ARID5B: variants seen among roughly 807,000 people sequenced by gnomAD.
The protein encoded by ARID5B is AT-rich interactive domain-containing protein 5B.
In ARID5B, 13 loss-of-function variants were observed where a neutral mutation model predicts 97.2. The ratio of observed to expected loss-of-function variants is 0.13; its 90% CI spans 0.09 to 0.21. ARID5B has a LOEUF of 0.21. ARID5B is among the 10% of genes least tolerant of loss of function. The probability of loss-of-function intolerance (pLI) is 1.00; values close to 1 mark genes in which losing one functional copy is unlikely to be tolerated. For missense variants in ARID5B, 1,210 were observed against 1,465.3 expected (o/e 0.83, Z 2.84); for synonymous variants, 556 against 570.3 (o/e 0.97, Z 0.36).
intron 2 of ARID5B, among the ~76,000 whole-genome samples, chr10:61,928,588 T>C (rs7909873): frequency 0.26 from 39,481 of 152,112 alleles, 5,620 homozygotes; most frequent in African/African-American, 0.35. Context: ...CCACCGTACC[T>C]GCCCCCCAAC....
At chr10:61,961,286 A>G (rs1838467357) in intron 3 of ARID5B, among the ~76,000 whole-genome samples, 1 of 152,372 alleles carries the variant, frequency 6.6e-6, no homozygotes, top group East Asian at 1.9e-4. Flanking sequence ...AGGTAAATAT[A>G]TAATCCTTAA....
At position 62,092,552 on chromosome 10, in the gene ARID5B, C is replaced by G; in HGVS notation, c.3089C>G (p.Ala1030Gly). ...GTGATTGCAGGGAAAAAGGCCCGGG[C>G]AGTGTCTCCCTTAGACCCATCCAAG... ...DLVIAGKKAR[A>G]VSPLDPSKEV... Residue 1030 changes from alanine to glycine, a missense_variant, in exon 10 of 10, where the codon GCA becomes GGA. By Grantham distance (60) the Ala-to-Gly change is moderately conservative (BLOSUM62 0). Around this residue, in one of 8 missense-constraint regions of ARID5B, gnomAD observed 800 missense variants for 839.1 expected, o/e 0.95. Coordinates refer to ENST00000279873, the MANE Select transcript of ARID5B (RefSeq NM_032199.3). 6.2e-7 allele frequency: 1 copy of G among 1,614,194 alleles called. No homozygotes were observed. The highest frequency in any genetic ancestry group is 8.5e-7 in the Non-Finnish European group (1 of 1,180,032).
Position 62,092,828 on chromosome 10 carries a change from A to G in ARID5B, c.3365A>G (p.His1122Arg). The part of the protein sequence containing the change: ...LSPLMQPLAF[H>R]SLVMQRGIFT... The stretch of plus-strand genomic sequence containing the variant: ...CCACTCATGCAGCCCCTGGCTTTCC[A>G]CTCGCTTGTGATGCAAAGAGGAATT... The change falls in exon 10 of 10, where the codon CAC (histidine) becomes CGC (arginine). Residue 1122 changes from histidine to arginine, a missense_variant. By Grantham distance (29) the His-to-Arg change is conservative. Coordinates refer to ENST00000279873, the MANE Select transcript of ARID5B (RefSeq NM_032199.3). The G allele has an allele frequency of 6.2e-7, 1 of 1,614,042 alleles. No homozygotes were observed. The highest frequency in any genetic ancestry group is 8.5e-7 in the Non-Finnish European group (1 of 1,179,998).
intron 3 of ARID5B, among the ~76,000 whole-genome samples, chr10:61,987,955 T>C (rs1838869332): frequency 6.6e-6 from 1 of 152,220 alleles, no homozygotes; most frequent in Admixed American, 6.5e-5. Flanking sequence ...GAAAAGGGGA[T>C]ATTTGCTGTG....
At chr10:62,080,274 A>G (rs1182430392) in intron 8 of ARID5B, among the ~76,000 whole-genome samples, 5 of 152,128 alleles carry the variant, frequency 3.3e-5, no homozygotes, top group African/African-American at 1.2e-4. Context: ...GCTCCACTCA[A>G]GTTCACACCA....
At chr10:62,049,596 G>A in intron 4 of ARID5B, 1 of 1,414,192 alleles carries the variant, frequency 7.1e-7, no homozygotes, top group East Asian at 2.5e-5. Context: ...GGGAATGAGA[G>A]GAGAGAGCGG....
At chr10:61,926,783 GT>G (rs1231006003) in intron 2 of ARID5B, among the ~76,000 whole-genome samples, 3 of 151,530 alleles carry the variant, frequency 2.0e-5, no homozygotes, top group Non-Finnish European at 4.4e-5. Context: ...TAGTTTTTGG[GT>G]TTTTTTGTAT....
At chr10:62,067,776 T>C (rs1840013149) in intron 7 of ARID5B, among the ~76,000 whole-genome samples, 2 of 152,386 alleles carry the variant, frequency 1.3e-5, no homozygotes, top group Non-Finnish European at 2.9e-5. Context: ...GCAGCCTCTC[T>C]GAATCTCCCT....
chr10:62,067,830 G>A lies in ARID5B; in HGVS notation c.1102-1870G>A, dbSNP rs539572134. 4.6e-5 allele frequency among the ~76,000 whole-genome samples: 7 copies of A among 152,344 alleles called. No individual in the cohort carries two copies. The East Asian group carries it at 1.3e-3, about 29-fold the overall frequency. ...TCCTATAACCTGCCTCACAGGCTAT[G>A]GGAGGATTATATGATGTCATGGATG... On this transcript the variant is annotated intron_variant, in intron 7 of 9. Coordinates refer to ENST00000279873, the MANE Select transcript of ARID5B (RefSeq NM_032199.3).
chr10:62,033,658 GTATTAA>G (rs1308886662), intron 4 of ARID5B, among the ~76,000 whole-genome samples: 3 of 152,166 alleles, frequency 2.0e-5, no homozygotes, highest in African/African-American at 7.2e-5. Context: ...TTGAAATGAT[GTATTAA>G]TATTACTTCC....
At chr10:62,048,763 G>A (rs1272261291) in intron 4 of ARID5B, among the ~76,000 whole-genome samples, 1 of 152,194 alleles carries the variant, frequency 6.6e-6, no homozygotes, top group Non-Finnish European at 1.5e-5. Context: ...CTGTCGAAAA[G>A]GCCTTTGGGA....
At chr10:61,935,004 C>A (rs1589225225) in intron 2 of ARID5B, among the ~76,000 whole-genome samples, 1 of 144,376 alleles carries the variant, frequency 6.9e-6, no homozygotes, top group African/African-American at 2.6e-5. Context: ...CAGAGCAAGA[C>A]TCTGATTAAA....
intron 2 of ARID5B, among the ~76,000 whole-genome samples, chr10:61,928,011 C>CG (rs1844137368): frequency 6.6e-6 from 1 of 152,026 alleles, no homozygotes; most frequent in African/African-American, 2.4e-5. Flanking sequence ...GTGCTGGGAG[C>CG]GGGAGGAAGG....
intron 3 of ARID5B, among the ~76,000 whole-genome samples, chr10:61,993,400 T>C (rs1280878240): frequency 6.6e-6 from 1 of 152,238 alleles, no homozygotes; most frequent in African/African-American, 2.4e-5. Context: ...TCTGCTGCAT[T>C]TTCCTTTTAC....
At chr10:61,982,669 C>T (rs750290503) in intron 3 of ARID5B, among the ~76,000 whole-genome samples, 5 of 152,196 alleles carry the variant, frequency 3.3e-5, no homozygotes, top group African/African-American at 4.8e-5. Context: ...GGAAGAATCT[C>T]TTCCACTAAC....
intron 2 of ARID5B, among the ~76,000 whole-genome samples, chr10:61,927,108 A>G (rs1196183833): frequency 6.6e-6 from 1 of 152,180 alleles, no homozygotes; most frequent in African/African-American, 2.4e-5. Context: ...AAGAGTTAGG[A>G]ACATGCACAG....
chr10:61,938,217 T>C (rs1844339446), intron 2 of ARID5B, among the ~76,000 whole-genome samples: 1 of 152,168 alleles, frequency 6.6e-6, no homozygotes, highest in African/African-American at 2.4e-5. Flanking sequence ...GTTTGGAGGG[T>C]GTTGTAAGCC....
At chr10:61,936,201 T>TG in intron 2 of ARID5B, among the ~76,000 whole-genome samples, 1 of 152,264 alleles carries the variant, frequency 6.6e-6, no homozygotes, top group Non-Finnish European at 1.5e-5. Context: ...TTAATGCCTA[T>TG]GTTCAAATTG....
At chr10:62,084,311 C>T (rs551168949) in intron 8 of ARID5B, among the ~76,000 whole-genome samples, 4 of 152,276 alleles carry the variant, frequency 2.6e-5, no homozygotes, top group African/African-American at 7.2e-5. Context: ...TCCCCACATC[C>T]GTACTGTCAA....
Sources: gnomAD v4.1 joint callset for allele counts (sites outside exome capture counted in the v4.1 genomes callset) on GRCh38, gnomAD v4.1.1 for gene constraint, gnomAD v4.1.1 regional missense constraint, MANE v1.5 for transcripts, NCBI Gene and HGNC (gene_info 2026-07-23, HGNC 2026-07-21) for gene names.